PTPRM: variants seen among roughly 807,000 people sequenced by gnomAD.
PTPRM encodes protein tyrosine phosphatase receptor type M, also known as receptor-type tyrosine-protein phosphatase mu.
Under a neutral mutation model 186.7 loss-of-function variants are expected in PTPRM, and 47 were observed. The observed-to-expected ratio is 0.25, with a 90% CI of 0.20 to 0.32. The LOEUF (loss-of-function observed/expected upper bound fraction) is 0.32, where lower values mean the gene tolerates loss of function less well. Ranked by LOEUF, PTPRM falls within the 10% of genes least tolerant of loss-of-function variation. The probability of loss-of-function intolerance (pLI) is 1.00; values close to 1 mark genes in which losing one functional copy is unlikely to be tolerated. For missense variants in PTPRM, 1,494 were observed against 1,865.0 expected (o/e 0.80, Z 3.66); for synonymous variants, 668 against 674.9 (o/e 0.99, Z 0.16).
chr18:7,577,152 G>T (rs187064070), intron 1 of PTPRM, among the ~76,000 whole-genome samples: 9 of 152,218 alleles, frequency 5.9e-5, no homozygotes, highest in Non-Finnish European at 1.0e-4. Flanking sequence ...GAACCAGGCT[G>T]TGTGTTTAGT....
chr18:7,750,634 C>T (rs2041169635), intron 1 of PTPRM, among the ~76,000 whole-genome samples: 1 of 152,178 alleles, frequency 6.6e-6, no homozygotes, highest in South Asian at 2.1e-4. Context: ...CCTACCTTAT[C>T]CTCCCCACCT....
At chr18:7,837,437 T>A (rs949677773) in intron 2 of PTPRM, among the ~76,000 whole-genome samples, 3 of 152,152 alleles carry the variant, frequency 2.0e-5, no homozygotes, top group African/African-American at 7.2e-5. Context: ...TTTAATTTCT[T>A]TGAGTTTCTT....
intron 1 of PTPRM, among the ~76,000 whole-genome samples, chr18:7,684,129 C>G (rs770181199): frequency 2.0e-5 from 3 of 151,776 alleles, no homozygotes; most frequent in Non-Finnish European, 2.9e-5. Flanking sequence ...TTAGAATCTC[C>G]TATTCTGTTT....
intron 1 of PTPRM, among the ~76,000 whole-genome samples, chr18:7,655,663 G>T (rs190899695): frequency 6.6e-6 from 1 of 152,286 alleles, no homozygotes; most frequent in African/African-American, 2.4e-5. Context: ...CCAGGTGACT[G>T]GATAAACTGG....
At chr18:8,143,858 G>T in intron 14 of PTPRM, 79 bp downstream of exon 14, 1 of 1,537,088 alleles carries the variant, frequency 6.5e-7, no homozygotes, top group South Asian at 1.1e-5. Context: ...AAAATTCTCA[G>T]TTACTGAACT....
chr18:8,198,037 A>C (rs1026884098), intron 14 of PTPRM, among the ~76,000 whole-genome samples: 10 of 151,976 alleles, frequency 6.6e-5, no homozygotes, highest in Admixed American at 5.2e-4. Flanking sequence ...CTGTGTGGAC[A>C]CTCTGCCTCT....
At chr18:7,812,892 G>T (rs796399800) in intron 2 of PTPRM, among the ~76,000 whole-genome samples, 13 of 152,186 alleles carry the variant, frequency 8.5e-5, no homozygotes, top group African/African-American at 1.4e-4. Context: ...GCGCAGAGGT[G>T]CTGGGTGGAT....
intron 14 of PTPRM, among the ~76,000 whole-genome samples, chr18:8,234,796 TG>T (rs1237492891): frequency 9.9e-5 from 15 of 152,110 alleles, no homozygotes; most frequent in Admixed American, 9.8e-4. Flanking sequence ...TTATCAAGAC[TG>T]GGTATTGGAT....
intron 2 of PTPRM, among the ~76,000 whole-genome samples, chr18:7,788,071 T>A (rs1020495269): frequency 6.6e-6 from 1 of 152,184 alleles, no homozygotes; most frequent in Non-Finnish European, 1.5e-5. Context: ...ACCTAGGCCA[T>A]GCTAAGTGAT....
At chr18:7,625,585 A>C (rs2144021523) in intron 1 of PTPRM, among the ~76,000 whole-genome samples, 1 of 149,754 alleles carries the variant, frequency 6.7e-6, no homozygotes, top group Non-Finnish European at 1.5e-5. Context: ...CCCAGACTGG[A>C]GTGCAGTGGC....
chr18:8,052,278 C>T (rs2087558123), intron 7 of PTPRM, among the ~76,000 whole-genome samples: 1 of 152,142 alleles, frequency 6.6e-6, no homozygotes, highest in African/African-American at 2.4e-5. Flanking sequence ...ATCTAAGTCT[C>T]TGGGGATGAG....
At chr18:8,096,763 G>A (rs189290214) in intron 11 of PTPRM, among the ~76,000 whole-genome samples, 27 of 152,254 alleles carry the variant, frequency 1.8e-4, no homozygotes, top group Non-Finnish European at 3.7e-4. Flanking sequence ...TCCAAGCTAG[G>A]GCTGATAGCC....
chr18:8,167,743 AC>A (rs1237747632), intron 14 of PTPRM, among the ~76,000 whole-genome samples: 2 of 144,820 alleles, frequency 1.4e-5, no homozygotes, highest in South Asian at 2.1e-4. Flanking sequence ...GGGCTTGTGA[AC>A]CCTTCCTTCA....
rs561196342 is a variant in PTPRM, at chr18:8,359,282, C to T, written c.3055-11608C>T. Among the ~76,000 whole-genome samples, 13 of 152,368 alleles carry T rather than the reference C, an allele frequency of 8.5e-5. 1 individual carries two copies. Among genetic ancestry groups the T allele is most frequent in the Middle Eastern group, 3.4e-3 (1 of 294 alleles). On this transcript the variant is annotated intron_variant, in intron 23 of 32. Coordinates refer to ENST00000580170, the MANE Select transcript of PTPRM (RefSeq NM_001105244.2). ...TTGCAGGTCTGAATAACAAGTGCTG[C>T]TCTGAGCACGCTCTCCTGGCTCCTC...
chr18:8,295,253 T>TG (rs1568685996), intron 19 of PTPRM, among the ~76,000 whole-genome samples: 2 of 152,116 alleles, frequency 1.3e-5, no homozygotes, highest in African/African-American at 4.8e-5. Context: ...GTTTACCTCA[T>TG]GGGGGAGAGT....
chr18:7,835,736 T>TGCCTGTAATCCCAGCA (rs1449480960), intron 2 of PTPRM, among the ~76,000 whole-genome samples: 1 of 152,162 alleles, frequency 6.6e-6, no homozygotes, highest in African/African-American at 2.4e-5. Flanking sequence ...TTTCTTTATA[T>TGCCTGTAATCCCAGCA]ATCTGGGTAC....
chr18:8,113,381 AGT>A, intron 11 of PTPRM, 103 bp from the exon 12 acceptor site: 1 of 1,026,034 alleles, frequency 9.7e-7, no homozygotes, highest in South Asian at 1.5e-5. Context: ...GACTGCGTCC[AGT>A]GTGTTCTTTA....
intron 23 of PTPRM, among the ~76,000 whole-genome samples, chr18:8,365,381 T>C (rs902304041): frequency 2.0e-5 from 3 of 152,328 alleles, no homozygotes; most frequent in Middle Eastern, 3.4e-3. Context: ...GCAAATCACA[T>C]GCTCTTCCAT....
chr18:7,768,650 T>TATA (rs1568102052), intron 1 of PTPRM, among the ~76,000 whole-genome samples: 1 of 30,416 alleles, frequency 3.3e-5, no homozygotes. Flanking sequence ...ATATATATAT[T>TATA]TTTTTTTTTT....
Sources: allele counts gnomAD v4.1 joint callset (sites outside exome capture counted in the v4.1 genomes callset), GRCh38; gene constraint gnomAD v4.1.1; transcripts MANE v1.5; gene names NCBI Gene and HGNC (gene_info 2026-07-23, HGNC 2026-07-21).